The following PPARGC1A variants were observed in gnomAD, a reference collection of about 807,000 sequenced individuals.
PPARGC1A encodes PPARG coactivator 1 alpha, also known as peroxisome proliferator-activated receptor gamma coactivator 1-alpha.
In PPARGC1A, 25 loss-of-function variants were observed where a neutral mutation model predicts 88.7. The ratio of observed to expected loss-of-function variants is 0.28; its 90% CI spans 0.21 to 0.39. The LOEUF (loss-of-function observed/expected upper bound fraction) is 0.39, where lower values mean the gene tolerates loss of function less well. PPARGC1A is among the 10% of genes least tolerant of loss of function. PPARGC1A has a pLI of 1.00. For missense variants in PPARGC1A, 880 were observed against 968.7 expected (o/e 0.91, Z 1.22); for synonymous variants, 363 against 355.6 (o/e 1.02, Z -0.24).
At chr4:24,212,831 C>T in the PPARGC1A span, among the ~76,000 whole-genome samples, 3 of 152,186 alleles carry the variant, frequency 2.0e-5, no homozygotes, top group Non-Finnish European at 4.4e-5. Context: ...CCAAGGAAAG[C>T]TGAGACAACA....
At chr4:24,121,208 A>G in the PPARGC1A span, among the ~76,000 whole-genome samples, 1 of 152,230 alleles carries the variant, frequency 6.6e-6, no homozygotes, top group Non-Finnish European at 1.5e-5. Flanking sequence ...GACAGTGGCC[A>G]GCCCCTTCAG....
the PPARGC1A span, among the ~76,000 whole-genome samples, chr4:24,405,103 G>T: frequency 6.6e-6 from 1 of 151,888 alleles, no homozygotes; most frequent in Admixed American, 6.6e-5. Flanking sequence ...TCAAAAACAA[G>T]GGCTTTATGT....
chr4:24,153,761 G>A, the PPARGC1A span, among the ~76,000 whole-genome samples: 3,421 of 152,220 alleles, frequency 0.022, 130 homozygotes, highest in African/African-American at 0.078. Context: ...TAGAAGTGGT[G>A]TGATCTGATT....
chr4:23,918,984 T>C, the PPARGC1A span, among the ~76,000 whole-genome samples: 8 of 152,096 alleles, frequency 5.3e-5, no homozygotes, highest in Admixed American at 3.3e-4. Context: ...TTAGGACCCA[T>C]CTATTTTATA....
chr4:23,884,648 T>G (rs111469128), intron 2 of PPARGC1A, 104 bp downstream of exon 2: 1 of 971,600 alleles, frequency 1.0e-6, no homozygotes, highest in Non-Finnish European at 1.4e-6. Flanking sequence ...AGTCTTTTGA[T>G]GATAGCAAAG....
At chr4:24,012,672 A>G in the PPARGC1A span, among the ~76,000 whole-genome samples, 5 of 152,160 alleles carry the variant, frequency 3.3e-5, no homozygotes, top group Non-Finnish European at 7.3e-5. Context: ...CAAAGTGGAG[A>G]ACCTGCCAAA....
intron 5 of PPARGC1A, among the ~76,000 whole-genome samples, chr4:23,827,150 T>C (rs1349666350): frequency 3.3e-5 from 5 of 152,184 alleles, no homozygotes; most frequent in African/African-American, 1.2e-4. Context: ...TCACTAATTA[T>C]ATTTTCCCAA....
At chr4:23,908,128 C>G (rs367819562), upstream of PPARGC1A, among the ~76,000 whole-genome samples, 7 of 152,188 alleles carry the variant, frequency 4.6e-5, no homozygotes, top group South Asian at 4.1e-4. Flanking sequence ...TGGAAAGGTA[C>G]AGTGCACATT....
chr4:24,200,714 G>T, the PPARGC1A span, among the ~76,000 whole-genome samples: 1 of 142,142 alleles, frequency 7.0e-6, no homozygotes, highest in Non-Finnish European at 1.5e-5. Context: ...GTTAAATATG[G>T]ATACGGGACA....
chr4:24,214,577 T>G, the PPARGC1A span, among the ~76,000 whole-genome samples: 1 of 152,134 alleles, frequency 6.6e-6, no homozygotes, highest in Non-Finnish European at 1.5e-5. Context: ...AACTGACAGC[T>G]CCACAGTGGT....
At chr4:24,036,840 A>T in the PPARGC1A span, among the ~76,000 whole-genome samples, 1 of 152,340 alleles carries the variant, frequency 6.6e-6, no homozygotes, top group Non-Finnish European at 1.5e-5. Flanking sequence ...AATGTACTTT[A>T]TACACTTTAC....
the PPARGC1A span, among the ~76,000 whole-genome samples, chr4:24,225,533 A>AC: frequency 6.6e-6 from 1 of 151,042 alleles, no homozygotes; most frequent in South Asian, 2.1e-4. Context: ...CCGTCTCAAA[A>AC]AAAAAACACA....
the PPARGC1A span, among the ~76,000 whole-genome samples, chr4:24,471,331 GAC>G: frequency 6.7e-6 from 1 of 150,264 alleles, no homozygotes; most frequent in Non-Finnish European, 1.5e-5. The surrounding 1 kb of genome is among the most constrained non-coding windows in gnomAD (Gnocchi z 5.4). Flanking sequence ...CCCACACACA[GAC>G]ACACACCCGC....
chr4:24,208,074 T>A, the PPARGC1A span, among the ~76,000 whole-genome samples: 1 of 151,664 alleles, frequency 6.6e-6, no homozygotes, highest in South Asian at 2.1e-4. Flanking sequence ...AGACCAGGAG[T>A]TTGAGACCAG....
intron 2 of PPARGC1A, among the ~76,000 whole-genome samples, chr4:23,840,990 G>A (rs1217664478): frequency 6.6e-6 from 1 of 152,024 alleles, no homozygotes; most frequent in Non-Finnish European, 1.5e-5. Flanking sequence ...CAGCTATAGA[G>A]GGCCTAATTC....
chr4:24,392,488 C>T, the PPARGC1A span, among the ~76,000 whole-genome samples: 9 of 152,106 alleles, frequency 5.9e-5, no homozygotes, highest in African/African-American at 1.9e-4. Context: ...AGAAAGCAGC[C>T]AGATATGCTT....
At chr4:24,420,535 A>T in the PPARGC1A span, among the ~76,000 whole-genome samples, 1 of 152,186 alleles carries the variant, frequency 6.6e-6, no homozygotes, top group South Asian at 2.1e-4. Context: ...TGCAGAATGG[A>T]TCATGTCCAC....
At chr4:24,369,323 G>T in the PPARGC1A span, among the ~76,000 whole-genome samples, 2 of 152,220 alleles carry the variant, frequency 1.3e-5, no homozygotes, top group South Asian at 2.1e-4. Flanking sequence ...GAGAATAGTT[G>T]CTTGATGAGG....
At chr4:24,030,853 C>T in the PPARGC1A span, among the ~76,000 whole-genome samples, 1 of 152,186 alleles carries the variant, frequency 6.6e-6, no homozygotes, top group African/African-American at 2.4e-5. Context: ...AGCACAGCCT[C>T]ATTCATTTGC....
Sources: gnomAD v4.1 joint callset for allele counts (sites outside exome capture counted in the v4.1 genomes callset) on GRCh38, gnomAD v4.1.1 for gene constraint, Gnocchi (gnomAD v3.1) non-coding constraint, MANE v1.5 for transcripts, NCBI Gene and HGNC (gene_info 2026-07-23, HGNC 2026-07-21) for gene names.